Variants in KLF13 observed in about 807,000 individuals in gnomAD.
The protein encoded by KLF13 is Krueppel-like factor 13.
Under a neutral mutation model 16.7 loss-of-function variants are expected in KLF13, and 8 were observed. The ratio of observed to expected loss-of-function variants is 0.48; its 90% CI spans 0.28 to 0.87. The LOEUF is 0.87. KLF13 is among the 40% of genes least tolerant of loss of function. The pLI, the probability that KLF13 is intolerant of heterozygous loss-of-function variation, is 0.10. For missense variants in KLF13, 447 were observed against 452.2 expected, an observed-to-expected ratio of 0.99 and a Z score of 0.10; for synonymous variants, 245 against 208.4, an observed-to-expected ratio of 1.18 and a Z score of -1.51.
chr15:31,342,828 G>A (rs889728811), intron 1 of KLF13, among the ~76,000 whole-genome samples: 15 of 152,088 alleles, frequency 9.9e-5, no homozygotes, highest in African/African-American at 3.4e-4. Context: ...CTGGGCCTTC[G>A]CACCCCTTTC....
Position 31,372,298 on chromosome 15 carries a change from G to A in KLF13, c.866G>A (p.Ter289=). The A allele has an allele frequency of 6.8e-7, 1 of 1,462,908 alleles. No homozygotes were observed. The highest frequency in any genetic ancestry group is 9.0e-7 in the Non-Finnish European group (1 of 1,110,684). The allele number at this position is 1,462,908 out of a possible 1,614,324, so 90.6% of individuals were successfully genotyped here. ...SPTISPASSP[*] is the part of the protein sequence containing the mutation. Reference sequence around the variant, plus strand: ...ACCATCAGCCCGGCCAGCTCGCCCTGAGCCCGCCACAGCCATGAGCAGCCG... The same window carrying A: ...ACCATCAGCCCGGCCAGCTCGCCCTAAGCCCGCCACAGCCATGAGCAGCCG... The change falls in exon 2 of 2, where the codon TGA becomes TAA. Residue 289 remains the stop codon, a stop_retained_variant. Coordinates refer to ENST00000307145, the MANE Select transcript of KLF13 (RefSeq NM_015995.4).
intron 1 of KLF13, among the ~76,000 whole-genome samples, chr15:31,344,592 G>T (rs1390724187): frequency 2.0e-5 from 3 of 152,252 alleles, no homozygotes; most frequent in Non-Finnish European, 4.4e-5. Context: ...CAGGGGCCCT[G>T]TTTCTCTTCT....
chr15:31,417,227 C>T (rs559502923), intron 1 of KLF13, among the ~76,000 whole-genome samples: 5 of 152,218 alleles, frequency 3.3e-5, no homozygotes, highest in Admixed American at 2.6e-4. Flanking sequence ...GGCACAGTGG[C>T]TCATGGCTGT....
chr15:31,416,302 A>G (rs1343078665), intron 1 of KLF13, among the ~76,000 whole-genome samples: 1 of 152,162 alleles, frequency 6.6e-6, no homozygotes, highest in Non-Finnish European at 1.5e-5. Context: ...CTCATTATGA[A>G]GCCATTATTA....
chr15:31,330,689 C>T (rs983866548), intron 1 of KLF13, among the ~76,000 whole-genome samples: 1 of 152,212 alleles, frequency 6.6e-6, no homozygotes, highest in Admixed American at 6.5e-5. Flanking sequence ...GTGTGGTTTC[C>T]CACTCCCACT....
intron 1 of KLF13, among the ~76,000 whole-genome samples, chr15:31,334,105 C>T (rs1186982919): frequency 4.6e-5 from 7 of 152,218 alleles, no homozygotes; most frequent in Admixed American, 2.0e-4. Context: ...TTGGGTTCAG[C>T]TTTGGAAGGC....
intron 1 of KLF13, among the ~76,000 whole-genome samples, chr15:31,364,338 G>A (rs767773775): frequency 9.2e-5 from 14 of 152,210 alleles, no homozygotes; most frequent in Non-Finnish European, 2.1e-4. Context: ...TGTTGCCTCC[G>A]ACACTGTGGC....
intron 1 of KLF13, among the ~76,000 whole-genome samples, chr15:31,364,105 TG>T (rs58775559): frequency 1.7e-4 from 1 of 6,028 alleles, no homozygotes; most frequent in African/African-American, 4.0e-4. Flanking sequence ...TACGAAACTG[TG>T]TTGAATCCTG....
At chr15:31,405,513 C>A (rs2040115530), downstream of KLF13, among the ~76,000 whole-genome samples, 1 of 152,202 alleles carries the variant, frequency 6.6e-6, no homozygotes, top group South Asian at 2.1e-4. Flanking sequence ...TATAACCAAC[C>A]CTGGCTGTGT....
chr15:31,331,190 C>T (rs2038825202), intron 1 of KLF13, among the ~76,000 whole-genome samples: 1 of 152,242 alleles, frequency 6.6e-6, no homozygotes. Flanking sequence ...CAAAACATCT[C>T]TCTGCATGCT....
Position 31,372,417 on chromosome 15 carries a change from C to A in KLF13, c.*118C>A. The A allele has an allele frequency of 2.7e-6, 3 of 1,114,074 alleles. No homozygotes were observed. The highest frequency in any genetic ancestry group is 3.6e-6 in the Non-Finnish European group (3 of 842,782). 69.0% of individuals were successfully genotyped at this position (1,114,074 alleles called of 1,614,324 possible). ...AAGTCCACGAAAAAACAATTTTTTTCACCTCAGGTGTCAAAGTAAATTTGT... is the reference window on the plus strand; with the variant it reads ...AAGTCCACGAAAAAACAATTTTTTTAACCTCAGGTGTCAAAGTAAATTTGT... On this transcript the variant is annotated 3_prime_UTR_variant, in exon 2 of 2. Transcript: ENST00000307145.
At position 31,335,463 on chromosome 15, in the gene KLF13, GTGTGTGTGTGTGTA is replaced by G. The variant is rs1390935544; in HGVS notation, c.577+7677_577+7690del. ...TGTGTGTGTGTGTGTGTGTGTGTGT[GTGTGTGTGTGTGTA>G]TGGTGGCGGGGCAGGGGGCGGGGGG... On this transcript the variant is annotated intron_variant, in intron 1 of 1. Transcript: ENST00000307145. 1.5e-3 allele frequency among the ~76,000 whole-genome samples: 145 copies of G among 99,188 alleles called. 2 individuals carry two copies. Among genetic ancestry groups the G allele is most frequent in the East Asian group, 5.5e-3 (18 of 3,276 alleles). The allele number at this position is 99,188 out of a possible 152,430, so 65.1% of individuals were successfully genotyped here. A position where few individuals can be genotyped will look rare whatever the true frequency, so the allele number is the denominator to read the frequency against.
chr15:31,370,425 C>CCTTTT (rs550965765), intron 1 of KLF13, among the ~76,000 whole-genome samples: 2 of 145,146 alleles, frequency 1.4e-5, no homozygotes, highest in East Asian at 2.0e-4. Flanking sequence ...GTTGTTTTTG[C>CCTTTT]TTTTTTTTTT....
intron 1 of KLF13, among the ~76,000 whole-genome samples, chr15:31,329,576 G>T (rs1235230951): frequency 3.3e-5 from 5 of 152,256 alleles, no homozygotes; most frequent in African/African-American, 1.2e-4. Context: ...TTCATCTCCC[G>T]CTTCAGGCTC....
At chr15:31,384,276 T>C (rs1257967930) in intron 1 of KLF13, among the ~76,000 whole-genome samples, 3 of 151,924 alleles carry the variant, frequency 2.0e-5, no homozygotes, top group Non-Finnish European at 4.4e-5. Flanking sequence ...TCGTCTCTAC[T>C]AAAAATACAA....
At position 31,343,909 on chromosome 15, in the gene KLF13, C is replaced by G. The variant is rs2140941431; in HGVS notation, c.577+16120C>G. ...TGATCTCCTGTCCCCACCCATACTT[C>G]TGGTCACTTGTCAGTCTTTGTATAA... On this transcript the variant is annotated intron_variant, in intron 1 of 1. Transcript: ENST00000307145. 1.3e-5 allele frequency among the ~76,000 whole-genome samples: 2 copies of G among 152,308 alleles called. 1 individual carries two copies. The highest frequency in any genetic ancestry group is 2.9e-5 in the Non-Finnish European group (2 of 68,032).
intron 1 of KLF13, among the ~76,000 whole-genome samples, chr15:31,345,893 C>G (rs1283953011): frequency 6.6e-6 from 1 of 152,164 alleles, no homozygotes; most frequent in African/African-American, 2.4e-5. Context: ...TGCTCCCCAC[C>G]TCTCACCCCT....
intron 1 of KLF13, among the ~76,000 whole-genome samples, chr15:31,427,084 A>T (rs986778358): frequency 5.9e-5 from 9 of 151,906 alleles, no homozygotes; most frequent in African/African-American, 2.2e-4. Context: ...GGACTGAGCA[A>T]CCCTATTGGC....
intron 1 of KLF13, among the ~76,000 whole-genome samples, chr15:31,425,320 A>T (rs943134198): frequency 6.6e-6 from 1 of 152,244 alleles, no homozygotes; most frequent in African/African-American, 2.4e-5. Context: ...ATCCTAAGGA[A>T]TAGCCCAAAT....
Sources: allele counts gnomAD v4.1 joint callset (sites outside exome capture counted in the v4.1 genomes callset), GRCh38; gene constraint gnomAD v4.1.1; transcripts MANE v1.5; gene names NCBI Gene and HGNC (gene_info 2026-07-23, HGNC 2026-07-21).